CERS3: variants seen among roughly 807,000 people sequenced by gnomAD.
CERS3 encodes ceramide synthase 3.
A neutral mutation model predicts 50.3 loss-of-function variants in CERS3; 33 were observed. The ratio of observed to expected loss-of-function variants is 0.66; its 90% CI spans 0.50 to 0.88. CERS3 has a LOEUF of 0.88. Ranked by LOEUF, CERS3 falls within the 40% of genes least tolerant of loss-of-function variation. The pLI is 0.00. For missense variants in CERS3, 470 were observed against 460.3 expected (o/e 1.02, Z -0.19); for synonymous variants, 176 against 155.2 (o/e 1.13, Z -0.99).
intron 2 of CERS3, among the ~76,000 whole-genome samples, chr15:100,509,777 A>G (rs932979503): frequency 6.6e-6 from 1 of 152,270 alleles, no homozygotes; most frequent in African/African-American, 2.4e-5. Flanking sequence ...AGAGCTGGCC[A>G]CACAGTAGAC....
intron 2 of CERS3, among the ~76,000 whole-genome samples, chr15:100,514,204 G>A (rs999546601): frequency 3.3e-5 from 5 of 152,080 alleles, no homozygotes; most frequent in Non-Finnish European, 7.4e-5. Flanking sequence ...CTTGTAAATC[G>A]CTTTATTTCA....
chr15:100,403,701 A>G (rs73470743), intron 11 of CERS3, among the ~76,000 whole-genome samples: 6,821 of 152,334 alleles, frequency 0.045, 271 homozygotes, highest in African/African-American at 0.099. Context: ...CAGCCGAAAC[A>G]GGTAATCTGG....
chr15:100,424,008 C>T (rs2654611), intron 11 of CERS3, among the ~76,000 whole-genome samples: 55,039 of 149,746 alleles, frequency 0.37, 10,714 homozygotes, highest in East Asian at 0.55. Flanking sequence ...ATGGCACCAT[C>T]TCGGCTCACC....
intron 11 of CERS3, among the ~76,000 whole-genome samples, chr15:100,438,305 A>G (rs1159327722): frequency 6.6e-6 from 1 of 152,094 alleles, no homozygotes; most frequent in Non-Finnish European, 1.5e-5. Flanking sequence ...TCAGCCTCCC[A>G]AAGTGCTAGG....
chr15:100,495,957 C>T (rs951069431), intron 3 of CERS3, among the ~76,000 whole-genome samples: 1 of 152,132 alleles, frequency 6.6e-6, no homozygotes, highest in African/African-American at 2.4e-5. Flanking sequence ...CCCAGGCAAC[C>T]ACTCATCTAT....
intron 10 of CERS3, among the ~76,000 whole-genome samples, chr15:100,460,755 A>G (rs1331851767): frequency 1.3e-5 from 2 of 152,164 alleles, no homozygotes; most frequent in Non-Finnish European, 2.9e-5. Context: ...TAGGTCCCCT[A>G]TTGGGAATTT....
At chr15:100,467,834 C>CAT (rs1491564528) in intron 10 of CERS3, among the ~76,000 whole-genome samples, 2 of 19,992 alleles carry the variant, frequency 1.0e-4, no homozygotes, top group Non-Finnish European at 1.7e-4. Flanking sequence ...TATATATATA[C>CAT]GTGTATATAT....
intron 3 of CERS3, among the ~76,000 whole-genome samples, chr15:100,497,306 ATGTGTGTGTGTGTGTG>A (rs139734142): frequency 6.9e-6 from 1 of 145,864 alleles, no homozygotes; most frequent in Non-Finnish European, 1.5e-5. Flanking sequence ...GCATATATGT[ATGTGTGTGTGTGTGTG>A]TGTGTGTGTG....
intron 11 of CERS3, among the ~76,000 whole-genome samples, chr15:100,427,144 G>A (rs1183048954): frequency 6.6e-6 from 1 of 152,156 alleles, no homozygotes; most frequent in Non-Finnish European, 1.5e-5. Flanking sequence ...CCATGACACA[G>A]CTGCGTATGT....
chr15:100,431,202 A>C (rs1249777572), intron 11 of CERS3, among the ~76,000 whole-genome samples: 1 of 152,194 alleles, frequency 6.6e-6, no homozygotes, highest in East Asian at 1.9e-4. Flanking sequence ...TCAACTTCTA[A>C]AATTCCATGC....
chr15:100,496,026 G>A (rs1166502010), intron 3 of CERS3, among the ~76,000 whole-genome samples: 2 of 152,136 alleles, frequency 1.3e-5, no homozygotes, highest in South Asian at 2.1e-4. Context: ...TATACAATAT[G>A]TGGTCACTTG....
chr15:100,427,345 A>T (rs930020254), intron 11 of CERS3, among the ~76,000 whole-genome samples: 2 of 152,198 alleles, frequency 1.3e-5, no homozygotes, highest in African/African-American at 4.8e-5. Context: ...GATAAACAAA[A>T]TATGACTTGT....
At chr15:100,531,608 C>G (rs547277971), upstream of CERS3, among the ~76,000 whole-genome samples, 1 of 152,036 alleles carries the variant, frequency 6.6e-6, no homozygotes, top group African/African-American at 2.4e-5. Context: ...CTTTTTTCTT[C>G]TCTTTCTTAC....
Position 100,437,003 on chromosome 15 carries a change from G to C in CERS3, c.999+18890C>G, listed in dbSNP as rs970492606. On this transcript the variant is annotated intron_variant, in intron 11 of 11. Coordinates refer to ENST00000679737, the MANE Select transcript of CERS3 (RefSeq NM_001378789.1). ...CTGTCATCCAGGTTGGAGTGCAGTG[G>C]TGCAATCTCCACTCACTGCAAGCTC... Among the ~76,000 whole-genome samples the C allele has an allele frequency of 5.3e-5, 8 of 149,892 alleles. No homozygotes were observed. In the East Asian group the frequency reaches 1.2e-3, roughly 22 times the overall value.
intron 10 of CERS3, among the ~76,000 whole-genome samples, chr15:100,457,697 T>TG (rs2034421605): frequency 6.6e-6 from 1 of 152,206 alleles, no homozygotes; most frequent in Non-Finnish European, 1.5e-5. Context: ...GGGGTAGAAT[T>TG]GTGTGCCATC....
At chr15:100,478,945 G>C (rs998486766) in intron 7 of CERS3, among the ~76,000 whole-genome samples, 2 of 152,124 alleles carry the variant, frequency 1.3e-5, no homozygotes, top group Non-Finnish European at 2.9e-5. Flanking sequence ...GGAGGAGGGT[G>C]TATGGTGTAT....
At chr15:100,496,550 T>C (rs1488431718) in intron 3 of CERS3, among the ~76,000 whole-genome samples, 1 of 152,160 alleles carries the variant, frequency 6.6e-6, no homozygotes, top group African/African-American at 2.4e-5. Flanking sequence ...ACTGAAAGCA[T>C]TACAAGAGAA....
At position 100,437,176 on chromosome 15, in the gene CERS3, AC is replaced by A. The variant is rs1269857849; in HGVS notation, c.999+18716del. The stretch of plus-strand genomic sequence containing the variant: ...TAGCCAGGATGGTCTTGATCTCCTG[AC>A]CTCGTGATCCGCCTGCCTTGGCCTC... On this transcript the variant is annotated intron_variant, in intron 11 of 11. Transcript: ENST00000679737. Among the ~76,000 whole-genome samples, 14 of 151,996 alleles carry A rather than the reference AC, an allele frequency of 9.2e-5. 1 individual carries two copies. In the East Asian group the frequency reaches 2.5e-3, roughly 27 times the overall value.
At position 100,469,113 on chromosome 15, in the gene CERS3, C is replaced by T. The variant is rs1966045; in HGVS notation, c.845+265G>A. Among the ~76,000 whole-genome samples the T allele has an allele frequency of 0.98, 150,063 of 152,358 alleles. 73,940 individuals are homozygous for T. Among genetic ancestry groups the T allele is most frequent in the Middle Eastern group, 1 (294 of 294 alleles). ...GTTAATCACAAAGAAAGGTCTACAT[C>T]CATGAAACAAGACAGAGTAAGAGCT... On this transcript the variant is annotated intron_variant, in intron 10 of 11. Coordinates refer to ENST00000679737, the MANE Select transcript of CERS3 (RefSeq NM_001378789.1).
Sources: allele counts gnomAD v4.1 joint callset (sites outside exome capture counted in the v4.1 genomes callset), GRCh38; gene constraint gnomAD v4.1.1; transcripts MANE v1.5; gene names NCBI Gene and HGNC (gene_info 2026-07-23, HGNC 2026-07-21).